ANP32A: variants seen among roughly 807,000 people sequenced by gnomAD.
The protein encoded by ANP32A is acidic leucine-rich nuclear phosphoprotein 32 family member A.
In ANP32A, 1 loss-of-function variant was observed where a neutral mutation model predicts 33.9. The ratio of observed to expected loss-of-function variants is 0.03; its 90% CI spans 0.01 to 0.14. The LOEUF is 0.14. Among genes scored for constraint, ANP32A ranks in the 10% least tolerant of loss-of-function variants. The pLI, the probability that ANP32A is intolerant of heterozygous loss-of-function variation, is 1.00. For synonymous variants in ANP32A, 115 were observed against 120.5 expected (o/e 0.95, Z 0.30); for missense variants, 155 against 306.0 (o/e 0.51, Z 3.68).
intron 1 of ANP32A, among the ~76,000 whole-genome samples, chr15:68,816,955 T>G (rs1162790821): frequency 6.6e-6 from 1 of 152,174 alleles, no homozygotes; most frequent in African/African-American, 2.4e-5. Context: ...TTGAACCCAA[T>G]TAGGCAGTAA....
At chr15:68,807,427 C>CGGGG (rs35282881) in intron 1 of ANP32A, among the ~76,000 whole-genome samples, 22 of 115,496 alleles carry the variant, frequency 1.9e-4, no homozygotes, top group South Asian at 3.2e-4. Flanking sequence ...CCACAGAAAA[C>CGGGG]GGGGGGGGGG....
intron 1 of ANP32A, among the ~76,000 whole-genome samples, chr15:68,805,203 G>A (rs1207841607): frequency 6.6e-6 from 1 of 152,172 alleles, no homozygotes; most frequent in African/African-American, 2.4e-5. Flanking sequence ...AAGTACAAAT[G>A]GGGGTCCTCC....
chr15:68,797,243 G>C (rs1894074872), intron 1 of ANP32A, among the ~76,000 whole-genome samples: 1 of 152,110 alleles, frequency 6.6e-6, no homozygotes, highest in Non-Finnish European at 1.5e-5. Context: ...CCTCTCACAG[G>C]TCATTGAGTG....
rs202023507 is a variant in ANP32A at position 68,779,793 on chromosome 15, C to T, written c.*288G>A. The T allele has an allele frequency of 1.2e-4, 46 of 372,484 alleles. No individual in the cohort carries two copies. The East Asian group carries it at 2.0e-3, about 16-fold the overall frequency. 23.1% of individuals were successfully genotyped at this position (372,484 alleles called of 1,614,324 possible). On this transcript the variant is annotated 3_prime_UTR_variant, in exon 7 of 7. Transcript: ENST00000465139. Reference sequence around the variant, plus strand: ...TCTTTGAGAGTCAGGAACAAATGCTCACTTAGTGTGTACTTAGCTATCGCA... The same window carrying T: ...TCTTTGAGAGTCAGGAACAAATGCTTACTTAGTGTGTACTTAGCTATCGCA...
At chr15:68,800,763 A>AAAAAAG (rs1567037332) in intron 1 of ANP32A, among the ~76,000 whole-genome samples, 3 of 150,520 alleles carry the variant, frequency 2.0e-5, no homozygotes, top group African/African-American at 4.9e-5. Context: ...AAAAAGAAAG[A>AAAAAAG]AAAGAAAAGG....
At chr15:68,792,801 A>G (rs565114942) in intron 1 of ANP32A, among the ~76,000 whole-genome samples, 2 of 152,216 alleles carry the variant, frequency 1.3e-5, no homozygotes, top group East Asian at 3.9e-4. Context: ...CCATGATCTC[A>G]GCTCTCTCCC....
At chr15:68,794,000 C>T (rs1205256452) in intron 1 of ANP32A, among the ~76,000 whole-genome samples, 1 of 152,204 alleles carries the variant, frequency 6.6e-6, no homozygotes, top group Non-Finnish European at 1.5e-5. Context: ...AGAAGGCAGG[C>T]TCTCGAGTCC....
chr15:68,809,720 G>A (rs1478439384), intron 1 of ANP32A, among the ~76,000 whole-genome samples: 3 of 152,174 alleles, frequency 2.0e-5, no homozygotes, highest in East Asian at 1.9e-4. Context: ...TGTGCGCTTC[G>A]TTTCAGTGGC....
intron 5 of ANP32A, chr15:68,781,392 C>G (rs969826611): frequency 4.6e-5 from 7 of 151,044 alleles, no homozygotes; most frequent in African/African-American, 1.7e-4. Context: ...ATCCCCACCC[C>G]CCCAAACCTC....
intron 1 of ANP32A, among the ~76,000 whole-genome samples, chr15:68,818,727 C>T: frequency 6.6e-6 from 1 of 152,066 alleles, no homozygotes; most frequent in African/African-American, 2.4e-5. Context: ...AGCCGCGCCC[C>T]CGCACCCACC....
intron 1 of ANP32A, among the ~76,000 whole-genome samples, chr15:68,811,318 C>T (rs1894309289): frequency 6.6e-6 from 1 of 152,090 alleles, no homozygotes; most frequent in African/African-American, 2.4e-5. Flanking sequence ...GAGAAGCATC[C>T]CCAGCTGGAG....
intron 1 of ANP32A, chr15:68,818,169 C>A: frequency 5.9e-6 from 1 of 168,080 alleles, no homozygotes; most frequent in South Asian, 1.1e-4. Context: ...ACATGGAGCC[C>A]GGAGCCCGCA....
chr15:68,797,316 C>A (rs1894075861), intron 1 of ANP32A, among the ~76,000 whole-genome samples: 1 of 152,054 alleles, frequency 6.6e-6, no homozygotes, highest in Admixed American at 6.6e-5. Flanking sequence ...CTACTCAGAT[C>A]CATGAGCTGA....
chr15:68,781,879 C>T (rs948023140), intron 5 of ANP32A, among the ~76,000 whole-genome samples: 1 of 152,214 alleles, frequency 6.6e-6, no homozygotes. Context: ...GCTAGGATTA[C>T]AGGCGTGAGC....
intron 1 of ANP32A, chr15:68,818,312 C>A: frequency 4.2e-6 from 1 of 238,038 alleles, no homozygotes. Context: ...GGGAGAGGTG[C>A]CGAAGGTGGG....
intron 1 of ANP32A, among the ~76,000 whole-genome samples, chr15:68,800,519 C>A (rs1369253662): frequency 2.0e-5 from 3 of 151,122 alleles, no homozygotes; most frequent in Non-Finnish European, 4.4e-5. Flanking sequence ...CCGAGGCTGG[C>A]GGATCATGAG....
At chr15:68,792,342 A>T (rs557458370) in intron 1 of ANP32A, 57 of 152,302 alleles carry the variant, frequency 3.7e-4, no homozygotes, top group African/African-American at 1.3e-3. Flanking sequence ...AGAGAAACCT[A>T]CACAGGACCC....
At chr15:68,782,325 C>A (rs555456474) in intron 5 of ANP32A, among the ~76,000 whole-genome samples, 7 of 152,254 alleles carry the variant, frequency 4.6e-5, no homozygotes, top group African/African-American at 1.4e-4. Context: ...TCTTAACAAC[C>A]CTGTGAGAAA....
intron 1 of ANP32A, among the ~76,000 whole-genome samples, chr15:68,803,130 C>T (rs1011283070): frequency 7.2e-5 from 11 of 152,158 alleles, no homozygotes; most frequent in African/African-American, 2.2e-4. Flanking sequence ...GGGAACATTC[C>T]GACACACAAG....
Sources: allele counts gnomAD v4.1 joint callset (sites outside exome capture counted in the v4.1 genomes callset), GRCh38; gene constraint gnomAD v4.1.1; transcripts MANE v1.5; gene names NCBI Gene and HGNC (gene_info 2026-07-23, HGNC 2026-07-21).